MYO7B: variants seen among roughly 807,000 people sequenced by gnomAD.
The protein encoded by MYO7B is unconventional myosin-VIIb.
MYO7B carries 212 observed loss-of-function variants against 259.7 expected under a neutral mutation model. The ratio of observed to expected loss-of-function variants is 0.82; its 90% CI spans 0.73 to 0.91. The LOEUF (loss-of-function observed/expected upper bound fraction) is 0.91. Ranked by LOEUF, MYO7B falls within the 40% of genes least tolerant of loss-of-function variation. The pLI, the probability that MYO7B is intolerant of heterozygous loss-of-function variation, is 0.00. For missense variants in MYO7B, 2,732 were observed against 2,813.5 expected, an observed-to-expected ratio of 0.97 and a Z score of 0.66; for synonymous variants, 1,197 against 1,166.4, an observed-to-expected ratio of 1.03 and a Z score of -0.54.
intron 39 of MYO7B, 118 bp downstream of exon 39, chr2:127,632,519 T>C (rs1460546672): frequency 3.8e-6 from 5 of 1,319,280 alleles, no homozygotes; most frequent in Non-Finnish European, 5.1e-6. Context: ...CAGAAGCCAG[T>C]GTCAGCTTGG....
Position 127,628,303 on chromosome 2 carries a change from G to C in MYO7B, c.4461-69G>C. On this transcript the variant is annotated intron_variant, in intron 33 of 47. Transcript: ENST00000409816. The surrounding 1 kb of genome is among the most constrained non-coding windows in gnomAD (Gnocchi z 4.8). ...CTCAGGACCCCCAACCCCACCTCCC[G>C]AGGCTGTTTAGGGGCTGGATCAGGG... The C allele has an allele frequency of 1.9e-6, 3 of 1,538,680 alleles. No homozygotes were observed. Among genetic ancestry groups the C allele is most frequent in the Non-Finnish European group, 2.6e-6 (3 of 1,144,062 alleles).
intron 43 of MYO7B, 78 bp from the exon 44 acceptor site, chr2:127,635,644 C>A: frequency 6.9e-7 from 1 of 1,441,842 alleles, no homozygotes; most frequent in Non-Finnish European, 9.4e-7. Flanking sequence ...CAGTTCCCCA[C>A]CATCTGAGCG....
chr2:127,566,989 C>A (rs1280701304), intron 5 of MYO7B, among the ~76,000 whole-genome samples, 162 bp downstream of exon 5: 1 of 152,200 alleles, frequency 6.6e-6, no homozygotes, highest in Non-Finnish European at 1.5e-5. Context: ...CCGAGCAGTT[C>A]CCCCAAAGCT....
At chr2:127,633,413 A>C in intron 40 of MYO7B, 50 bp downstream of exon 40, 1 of 1,562,666 alleles carries the variant, frequency 6.4e-7, no homozygotes, top group South Asian at 1.1e-5. Context: ...TCCAGAGGCC[A>C]TGGGGCATCC....
chr2:127,593,353 A>AGGCCCCG (rs1212855606), intron 17 of MYO7B, among the ~76,000 whole-genome samples, 193 bp from the exon 18 acceptor site: 1 of 151,982 alleles, frequency 6.6e-6, no homozygotes, highest in Admixed American at 6.5e-5. Context: ...CAGCACATGG[A>AGGCCCCG]GGCCCCGGGC....
At chr2:127,562,937 T>C (rs1280855917) in intron 2 of MYO7B, among the ~76,000 whole-genome samples, 1 of 152,248 alleles carries the variant, frequency 6.6e-6, no homozygotes, top group Non-Finnish European at 1.5e-5. Context: ...ACAAATTCTA[T>C]ATCATTTTGC....
intron 1 of MYO7B, among the ~76,000 whole-genome samples, chr2:127,540,679 A>G (rs1003957890): frequency 2.0e-5 from 3 of 152,176 alleles, no homozygotes; most frequent in African/African-American, 7.2e-5. Context: ...GGGCTTCTCA[A>G]GGGATAGCTC....
At chr2:127,630,753 A>T (rs779578570) in intron 35 of MYO7B, 25 bp from the exon 36 acceptor site, 1 of 1,609,888 alleles carries the variant, frequency 6.2e-7, no homozygotes, top group East Asian at 2.2e-5. Flanking sequence ...GCTCCTGGGC[A>T]CCCACAGGCC....
intron 27 of MYO7B, 69 bp from the exon 28 acceptor site, chr2:127,621,913 C>G: frequency 6.5e-7 from 1 of 1,548,158 alleles, no homozygotes; most frequent in South Asian, 1.2e-5. Context: ...TTAAGTCCAC[C>G]TGGGTGGTGA....
intron 1 of MYO7B, among the ~76,000 whole-genome samples, chr2:127,542,056 G>A (rs1006536232): frequency 2.0e-5 from 3 of 152,270 alleles, no homozygotes; most frequent in Non-Finnish European, 4.4e-5. Flanking sequence ...GGCAGAAGAG[G>A]AGGGAGCCCT....
In MYO7B at chr2:127,576,685, T is replaced by G; in HGVS notation, c.826T>G (p.Ser276Ala). 1 of 1,606,936 alleles carries G rather than the reference T, an allele frequency of 6.2e-7. No individual in the cohort carries two copies. Among genetic ancestry groups the G allele is most frequent in the Non-Finnish European group, 8.5e-7 (1 of 1,174,624 alleles). Residue 276 changes from serine (S) to alanine (A), a missense_variant, in exon 8 of 48, where the codon TCC becomes GCC. Ser to Ala is a moderately conservative substitution (Grantham distance 99, BLOSUM62 1). Coordinates refer to ENST00000409816, the MANE Select transcript of MYO7B (RefSeq NM_001393586.1). The surrounding 1 kb of genome is among the most constrained non-coding windows in gnomAD (Gnocchi z 4.9). ...DKQLLSLGTP[S>A]EYHYLTMGNC... is the part of the protein sequence containing the mutation. ...GCAGCTGCTGAGCCTGGGCACGCCC[T>G]CCGAGTACCACTACCTGACCATGGT...
intron 26 of MYO7B, among the ~76,000 whole-genome samples, chr2:127,616,495 T>C (rs867538093): frequency 1.1e-4 from 17 of 152,230 alleles, no homozygotes; most frequent in Non-Finnish European, 2.4e-4. Flanking sequence ...CACCACCACC[T>C]GAATTTCTCC....
In MYO7B at chr2:127,628,894, C is replaced by T. The variant is rs1002066693; in HGVS notation, c.4624+359C>T. Among the ~76,000 whole-genome samples the T allele has an allele frequency of 3.9e-5, 6 of 152,246 alleles. No individual in the cohort carries two copies. The highest frequency in any genetic ancestry group is 2.6e-4 in the Admixed American group (4 of 15,284). ...AAAAGCACCCCATTATCCCATTTTA[C>T]AGACGTGAGGCCAGAGGCCCAGAGA... On this transcript the variant is annotated intron_variant, in intron 34 of 47. Transcript: ENST00000409816. This position sits in a 1 kb window ranked among gnomAD's most constrained non-coding sequence, Gnocchi z 4.8.
rs919406556 is a variant in MYO7B, at chr2:127,611,416, TG to T, written c.3193-828del. On this transcript the variant is annotated intron_variant, in intron 24 of 47. Coordinates refer to ENST00000409816, the MANE Select transcript of MYO7B (RefSeq NM_001393586.1). This position sits in a 1 kb window ranked among gnomAD's most constrained non-coding sequence, Gnocchi z 5.4. ...AACCAGCACCTCTGAAGGGTGGACATGGGGGGAAGCAGGACTGGCTTCCCAG... is the reference window on the plus strand; with the variant it reads ...AACCAGCACCTCTGAAGGGTGGACATGGGGGAAGCAGGACTGGCTTCCCAG... Among the ~76,000 whole-genome samples the T allele has an allele frequency of 1.1e-4, 17 of 152,238 alleles. No homozygotes were observed. The highest frequency in any genetic ancestry group is 3.1e-4 in the African/African-American group (13 of 41,530).
chr2:127,544,827 G>C (rs1005101644), intron 1 of MYO7B, among the ~76,000 whole-genome samples: 2 of 151,934 alleles, frequency 1.3e-5, no homozygotes, highest in Non-Finnish European at 2.9e-5. Flanking sequence ...TGATCCACCC[G>C]CCTCGGCCTC....
In MYO7B at chr2:127,628,062, G is replaced by A. The variant is rs771905759; in HGVS notation, c.4461-310G>A. On this transcript the variant is annotated intron_variant, in intron 33 of 47. Coordinates refer to ENST00000409816, the MANE Select transcript of MYO7B (RefSeq NM_001393586.1). The surrounding 1 kb of genome is among the most constrained non-coding windows in gnomAD (Gnocchi z 4.8). ...CTCAGAGTAAGCACATGGCAGAGCC[G>A]GCAGCTCATCTCAGCTCTGACCTTT... is the stretch of plus-strand genomic sequence containing the variant. 37 of 565,570 alleles carry A rather than the reference G, an allele frequency of 6.5e-5. No homozygotes were observed. Among genetic ancestry groups the A allele is most frequent in the Non-Finnish European group, 8.4e-5 (25 of 297,790 alleles). The allele number at this position is 565,570 out of a possible 1,614,324, so 35.0% of individuals were successfully genotyped here.
chr2:127,557,632 G>T (rs1414938367), intron 1 of MYO7B, among the ~76,000 whole-genome samples: 1 of 152,064 alleles, frequency 6.6e-6, no homozygotes, highest in Non-Finnish European at 1.5e-5. Context: ...TGTGGTATTG[G>T]TATAAAAATA....
intron 19 of MYO7B, among the ~76,000 whole-genome samples, chr2:127,600,432 C>G (rs756209355): frequency 2.6e-5 from 4 of 152,062 alleles, no homozygotes; most frequent in Admixed American, 6.6e-5. Context: ...TTGTCCTGGC[C>G]GGGCATGGTG....
rs755044896 is a variant in MYO7B, at chr2:127,585,670, G to C, written c.1690+757G>C. On this transcript the variant is annotated intron_variant, in intron 14 of 47. Coordinates refer to ENST00000409816, the MANE Select transcript of MYO7B (RefSeq NM_001393586.1). This position sits in a 1 kb window ranked among gnomAD's most constrained non-coding sequence, Gnocchi z 4.3. ...GAACCACCAGACTGTTTTCCAAAGC[G>C]GCTGTATGATTTTACATTCCCACTA... 6.6e-6 allele frequency among the ~76,000 whole-genome samples: 1 copy of C among 152,126 alleles called. No individual in the cohort carries two copies. The highest frequency in any genetic ancestry group is 1.9e-4 in the East Asian group (1 of 5,202).
Sources: gnomAD v4.1 joint callset for allele counts (sites outside exome capture counted in the v4.1 genomes callset) on GRCh38, gnomAD v4.1.1 for gene constraint, Gnocchi (gnomAD v3.1) non-coding constraint, MANE v1.5 for transcripts, NCBI Gene and HGNC (gene_info 2026-07-23, HGNC 2026-07-21) for gene names.